The following MORC3 variants were observed in gnomAD, a reference collection of about 807,000 sequenced individuals.
MORC3 encodes the protein MORC family CW-type zinc finger 3.
A neutral mutation model predicts 109.1 loss-of-function variants in MORC3; 31 were observed. That is an observed-to-expected ratio of 0.28 (90% CI 0.21 to 0.38). The LOEUF is 0.38. Ranked by LOEUF, MORC3 falls within the 10% of genes least tolerant of loss-of-function variation. The pLI, the probability that MORC3 is intolerant of heterozygous loss-of-function variation, is 1.00. For missense variants in MORC3, 867 were observed against 1,135.8 expected, an observed-to-expected ratio of 0.76 and a Z score of 3.40; for synonymous variants, 395 against 380.7, an observed-to-expected ratio of 1.04 and a Z score of -0.44.
At chr21:36,346,964 C>T (rs993664950) in intron 8 of MORC3, among the ~76,000 whole-genome samples, 15 of 150,680 alleles carry the variant, frequency 1.0e-4, no homozygotes, top group Non-Finnish European at 1.9e-4. Flanking sequence ...ATGATTTTTG[C>T]CCCTGTACTC....
At position 36,369,423 on chromosome 21, in the gene MORC3, C is replaced by T. The variant is rs769352363; in HGVS notation, c.2055C>T (p.Thr685=). The T allele has an allele frequency of 3.7e-6, 6 of 1,614,122 alleles. No homozygotes were observed. Among genetic ancestry groups the T allele is most frequent in the East Asian group, 2.2e-5 (1 of 44,880 alleles). Residue 685 remains threonine (T), a synonymous_variant, in exon 15 of 17, where the codon ACC becomes ACT. Coordinates refer to ENST00000400485, the MANE Select transcript of MORC3 (RefSeq NM_015358.3). ...AGATACATGAAACCCAGGAAACCAC[C>T]GATAAATCTGCAGATGATGCAGGCT... The part of the protein sequence containing the change: ...EAKIHETQET[T]DKSADDAGCQ...
Position 36,375,752 on chromosome 21 carries a change from A to C in MORC3, c.*456A>C, listed in dbSNP as rs2085923177. On this transcript the variant is annotated 3_prime_UTR_variant, in exon 17 of 17. Transcript: ENST00000400485. ...GGAGTTTAAATAGGATTTTTAAATA[A>C]TGTAGTAACACTCCTGATACAACTC... 6.5e-6 allele frequency: 1 copy of C among 153,052 alleles called. No homozygotes were observed. The highest frequency in any genetic ancestry group is 1.5e-5 in the Non-Finnish European group (1 of 68,338). 9.5% of individuals were successfully genotyped at this position (153,052 alleles called of 1,614,324 possible). A position where few individuals can be genotyped will look rare whatever the true frequency, so the allele number is the denominator to read the frequency against.
chr21:36,352,759 T>C (rs1321500231), intron 9 of MORC3, among the ~76,000 whole-genome samples: 6 of 152,108 alleles, frequency 3.9e-5, no homozygotes, highest in African/African-American at 1.4e-4. Context: ...CACGTATAAC[T>C]CCTCAGAACC....
At chr21:36,335,309 AATT>A (rs1473873526) in intron 2 of MORC3, among the ~76,000 whole-genome samples, 1 of 126,010 alleles carries the variant, frequency 7.9e-6, no homozygotes, top group African/African-American at 3.2e-5. Flanking sequence ...AAAAAGAAGG[AATT>A]TTTTTTTTTT....
intron 10 of MORC3, 108 bp from the exon 11 acceptor site, chr21:36,359,847 G>A: frequency 6.8e-7 from 1 of 1,474,550 alleles, no homozygotes; most frequent in Non-Finnish European, 9.3e-7. Context: ...TAATTTTTAG[G>A]AAAGGAATTA....
chr21:36,364,428 CTT>C (rs1447837081), intron 14 of MORC3, among the ~76,000 whole-genome samples, 169 bp downstream of exon 14: 1 of 152,168 alleles, frequency 6.6e-6, no homozygotes, highest in Non-Finnish European at 1.5e-5. Flanking sequence ...ATTGTCTAAA[CTT>C]AGGCTAAACC....
chr21:36,328,330 G>GCCC (rs997805995), intron 1 of MORC3, among the ~76,000 whole-genome samples: 7 of 138,014 alleles, frequency 5.1e-5, no homozygotes, highest in South Asian at 2.3e-4. Context: ...ATAATAATAA[G>GCCC]CCCCCCCCCG....
intron 9 of MORC3, among the ~76,000 whole-genome samples, chr21:36,353,258 G>C (rs1296286543): frequency 6.8e-6 from 1 of 147,540 alleles, no homozygotes; most frequent in Non-Finnish European, 1.5e-5. Context: ...TCAGGAGGCA[G>C]AGGCAGGAGA....
chr21:36,364,633 C>T (rs2146334487), intron 14 of MORC3, among the ~76,000 whole-genome samples: 1 of 150,612 alleles, frequency 6.6e-6, no homozygotes, highest in African/African-American at 2.4e-5. Context: ...GCAACAAGAG[C>T]AAAACTCCGT....
At chr21:36,368,413 A>G (rs2085805283) in intron 14 of MORC3, among the ~76,000 whole-genome samples, 1 of 152,184 alleles carries the variant, frequency 6.6e-6, no homozygotes, top group African/African-American at 2.4e-5. Flanking sequence ...CCTGGAGGTG[A>G]TCAAATGCAG....
chr21:36,337,629 G>A lies in MORC3; in HGVS notation c.246-103G>A, dbSNP rs1451770458. ...TATTTGAACCCAGGCTTTTTACTTG[G>A]TATTACAATTAATGAATTAAAAAAA... On this transcript the variant is annotated intron_variant, in intron 3 of 16. Transcript: ENST00000400485. 7.6e-5 allele frequency: 59 copies of A among 775,842 alleles called. 1 individual carries two copies. The South Asian group carries it at 1.5e-3, about 20-fold the overall frequency. The allele number at this position is 775,842 out of a possible 1,614,324, so 48.1% of individuals were successfully genotyped here. A position where few individuals can be genotyped will look rare whatever the true frequency, so the allele number is the denominator to read the frequency against.
chr21:36,343,010 ACT>A (rs1390573679), intron 6 of MORC3, among the ~76,000 whole-genome samples: 1 of 151,716 alleles, frequency 6.6e-6, no homozygotes, highest in Non-Finnish European at 1.5e-5. Context: ...CAAGAGTGAA[ACT>A]CTGTCTCAAA....
intron 16 of MORC3, among the ~76,000 whole-genome samples, chr21:36,373,086 T>A (rs1364768408): frequency 6.6e-6 from 1 of 152,216 alleles, no homozygotes; most frequent in Non-Finnish European, 1.5e-5. Context: ...ACACCTATAA[T>A]TCTAGCACTT....
intron 6 of MORC3, among the ~76,000 whole-genome samples, chr21:36,342,195 G>C (rs2085456925): frequency 6.6e-6 from 1 of 152,102 alleles, no homozygotes; most frequent in African/African-American, 2.4e-5. Flanking sequence ...AGTGAGCGGA[G>C]ATTGTACCAC....
At chr21:36,361,666 C>T (rs533452580) in intron 12 of MORC3, 1 of 160,782 alleles carries the variant, frequency 6.2e-6, no homozygotes, top group African/African-American at 2.4e-5. Context: ...TTGGGCGGAT[C>T]ACCTGAGGTC....
intron 10 of MORC3, among the ~76,000 whole-genome samples, chr21:36,357,126 G>T (rs1028851225): frequency 6.6e-6 from 1 of 152,114 alleles, no homozygotes; most frequent in Non-Finnish European, 1.5e-5. Flanking sequence ...CCATTTTCTT[G>T]TGTATAAAAT....
chr21:36,343,176 G>T (rs1454506179), intron 6 of MORC3, among the ~76,000 whole-genome samples: 1 of 150,248 alleles, frequency 6.7e-6, no homozygotes, highest in African/African-American at 2.4e-5. Flanking sequence ...GCTCACCACA[G>T]CCTCCACCTC....
chr21:36,332,920 T>C (rs745931553), intron 1 of MORC3, among the ~76,000 whole-genome samples: 10 of 151,958 alleles, frequency 6.6e-5, no homozygotes, highest in Admixed American at 2.6e-4. Flanking sequence ...CCCGAGTAGC[T>C]GGGACTACAG....
chr21:36,357,781 C>T (rs571511302), intron 10 of MORC3, among the ~76,000 whole-genome samples: 64 of 148,000 alleles, frequency 4.3e-4, no homozygotes, highest in African/African-American at 1.5e-3. Context: ...CACTCTGTCA[C>T]CCAGGCTGAA....
Sources: gnomAD v4.1 joint callset for allele counts (sites outside exome capture counted in the v4.1 genomes callset) on GRCh38, gnomAD v4.1.1 for gene constraint, MANE v1.5 for transcripts, NCBI Gene and HGNC (gene_info 2026-07-23, HGNC 2026-07-21) for gene names.